Variants in SRGAP2 observed in about 807,000 individuals in gnomAD.
The protein encoded by SRGAP2 is SLIT-ROBO Rho GTPase-activating protein 2.
In SRGAP2, 15 loss-of-function variants were observed where a neutral mutation model predicts 57.2. The observed-to-expected ratio is 0.26, with a 90% confidence interval of 0.18 to 0.40. SRGAP2 has a LOEUF of 0.40. Among genes scored for constraint, SRGAP2 ranks in the 10% least tolerant of loss-of-function variants. The pLI is 1.00. For synonymous variants in SRGAP2, 249 were observed against 248.0 expected (o/e 1.00, Z -0.04); for missense variants, 520 against 669.6 (o/e 0.78, Z 2.47).
chr1:206,383,114 T>C (rs1387209256), intron 4 of SRGAP2, among the ~76,000 whole-genome samples: 2 of 144,470 alleles, frequency 1.4e-5, no homozygotes, highest in African/African-American at 5.4e-5. Context: ...AACCTCCACC[T>C]TCTGGGTTCA....
At chr1:206,414,030 TTTC>T (rs1210626448) in intron 10 of SRGAP2, among the ~76,000 whole-genome samples, 1,721 of 137,352 alleles carry the variant, frequency 0.013, 42 homozygotes, top group African/African-American at 0.053. Flanking sequence ...TTTCTTTTTC[TTTC>T]TTTTTTTTTT....
intron 4 of SRGAP2, among the ~76,000 whole-genome samples, chr1:206,372,904 T>TCTC (rs1654669670): frequency 1.8e-4 from 1 of 5,466 alleles, no homozygotes; most frequent in Non-Finnish European, 2.7e-4. Context: ...CTCTCCTTTC[T>TCTC]TTCTTTCTTT....
At chr1:206,284,782 C>G (rs1670927867) in intron 2 of SRGAP2, among the ~76,000 whole-genome samples, 1 of 151,782 alleles carries the variant, frequency 6.6e-6, no homozygotes, top group Non-Finnish European at 1.5e-5. Context: ...TCCACTATGA[C>G]TGTACATTTT....
chr1:206,444,888 G>A (rs1252851287), intron 17 of SRGAP2, among the ~76,000 whole-genome samples: 4 of 152,010 alleles, frequency 2.6e-5, no homozygotes, highest in African/African-American at 9.7e-5. Context: ...CTCCCATCAC[G>A]TCCATAATAC....
intron 13 of SRGAP2, 77 bp from the exon 14 acceptor site, chr1:206,430,085 G>T (rs1183661705): frequency 1.3e-6 from 1 of 774,686 alleles, no homozygotes; most frequent in Admixed American, 1.7e-5. Context: ...AGTTCTGCAC[G>T]GTTTGGCCCG....
intron 17 of SRGAP2, among the ~76,000 whole-genome samples, chr1:206,445,088 C>T (rs1357982228): frequency 6.6e-6 from 1 of 152,234 alleles, no homozygotes; most frequent in Admixed American, 6.5e-5. Flanking sequence ...TCTCAGGCCT[C>T]GTTTCCCAAC....
chr1:206,290,662 A>AAAG (rs1458588745), intron 2 of SRGAP2, among the ~76,000 whole-genome samples: 52 of 150,888 alleles, frequency 3.4e-4, no homozygotes, highest in African/African-American at 1.2e-3. Context: ...AAAAAAAAAA[A>AAAG]AAGAAGAAGA....
intron 22 of SRGAP2, among the ~76,000 whole-genome samples, chr1:206,459,311 G>T (rs1664078460): frequency 6.6e-6 from 1 of 151,496 alleles, no homozygotes; most frequent in Admixed American, 6.6e-5. Context: ...TGAGGATCAG[G>T]TGTAATCCTG....
intron 18 of SRGAP2, 96 bp downstream of exon 18, chr1:206,446,395 G>A: frequency 1.4e-6 from 1 of 731,074 alleles, no homozygotes; most frequent in Non-Finnish European, 2.5e-6. Flanking sequence ...GAAACACCCA[G>A]ATCCTCCCAA....
chr1:206,419,294 G>T, intron 11 of SRGAP2, 79 bp from the exon 12 acceptor site: 1 of 770,448 alleles, frequency 1.3e-6, no homozygotes, highest in South Asian at 1.4e-5. Context: ...AGATAGGCAT[G>T]GTAGTTACTA....
chr1:206,458,059 C>T (rs1332795442), intron 21 of SRGAP2, among the ~76,000 whole-genome samples: 1 of 152,166 alleles, frequency 6.6e-6, no homozygotes, highest in African/African-American at 2.4e-5. Context: ...TAAGAAAACG[C>T]ACAAACTGGG....
At chr1:206,354,328 A>G (rs1676268464) in intron 4 of SRGAP2, among the ~76,000 whole-genome samples, 1 of 152,142 alleles carries the variant, frequency 6.6e-6, no homozygotes, top group South Asian at 2.1e-4. Context: ...GCTTGGCTTT[A>G]TACTTCATTA....
At chr1:206,351,402 G>A (rs1472978148) in intron 4 of SRGAP2, among the ~76,000 whole-genome samples, 2 of 151,464 alleles carry the variant, frequency 1.3e-5, no homozygotes, top group African/African-American at 4.9e-5. Context: ...CCTCCTGCTC[G>A]TCTGAACTCA....
At chr1:206,309,044 C>T (rs1431409521) in intron 3 of SRGAP2, among the ~76,000 whole-genome samples, 3 of 141,122 alleles carry the variant, frequency 2.1e-5, no homozygotes, top group African/African-American at 8.4e-5. Flanking sequence ...TGGTGATGCA[C>T]GCCTGTAGTC....
chr1:206,435,783 CATT>C (rs782272715), intron 14 of SRGAP2, among the ~76,000 whole-genome samples: 9 of 152,184 alleles, frequency 5.9e-5, no homozygotes, highest in Non-Finnish European at 8.8e-5. Context: ...CTTGTTGTGA[CATT>C]ATTATTTCTG....
At chr1:206,302,289 CAT>C (rs1671917032) in intron 2 of SRGAP2, among the ~76,000 whole-genome samples, 2 of 150,754 alleles carry the variant, frequency 1.3e-5, no homozygotes, top group South Asian at 4.2e-4. Flanking sequence ...CTGGCTTTGG[CAT>C]ACTGCTTCCT....
intron 16 of SRGAP2, among the ~76,000 whole-genome samples, chr1:206,439,400 G>A (rs1553371130): frequency 6.6e-6 from 1 of 152,022 alleles, no homozygotes; most frequent in Non-Finnish European, 1.5e-5. Context: ...GATAAGGGAG[G>A]GAGAAGATAA....
rs368064438 is a variant in SRGAP2 at position 206,376,011 on chromosome 1, A to G, written c.424-8003A>G. On this transcript the variant is annotated intron_variant, in intron 4 of 22. Coordinates refer to ENST00000573034, the MANE Select transcript of SRGAP2 (RefSeq NM_015326.5). Reference sequence around the variant, plus strand: ...CCAGAACTTGATGGGTGGTTTTGGTATTCTGTGACCTAGGTAGTGGGGAGC... The same window carrying G: ...CCAGAACTTGATGGGTGGTTTTGGTGTTCTGTGACCTAGGTAGTGGGGAGC... Among the ~76,000 whole-genome samples the G allele has an allele frequency of 4.9e-3, 726 of 149,460 alleles. 44 individuals carry two copies. In the East Asian group the frequency reaches 0.11, roughly 22 times the overall value.
chr1:206,447,508 A>G (rs1320101935), intron 18 of SRGAP2, among the ~76,000 whole-genome samples: 1 of 152,154 alleles, frequency 6.6e-6, no homozygotes, highest in Non-Finnish European at 1.5e-5. Flanking sequence ...TCTGGGTCCA[A>G]GCTGGAGGAA....
Sources: gnomAD v4.1 joint callset for allele counts (sites outside exome capture counted in the v4.1 genomes callset) on GRCh38, gnomAD v4.1.1 for gene constraint, MANE v1.5 for transcripts, NCBI Gene and HGNC (gene_info 2026-07-23, HGNC 2026-07-21) for gene names.